The following KHDRBS2 variants were observed in gnomAD, a reference collection of about 807,000 sequenced individuals.
KHDRBS2 encodes the protein KH domain-containing, RNA-binding, signal transduction-associated protein 2.
Under a neutral mutation model 44.3 loss-of-function variants are expected in KHDRBS2, and 26 were observed. The ratio of observed to expected loss-of-function variants is 0.59; its 90% confidence interval spans 0.43 to 0.81. The LOEUF (loss-of-function observed/expected upper bound fraction) is 0.81, where lower values mean the gene tolerates loss of function less well. Ranked by LOEUF, KHDRBS2 falls within the 40% of genes least tolerant of loss-of-function variation. The pLI, the probability that KHDRBS2 is intolerant of heterozygous loss-of-function variation, is 0.00. For synonymous variants in KHDRBS2, 194 were observed against 151.1 expected (o/e 1.28, Z -2.08); for missense variants, 476 against 433.1 (o/e 1.10, Z -0.88).
the KHDRBS2 span, among the ~76,000 whole-genome samples, chr6:61,594,253 A>AT: frequency 6.6e-6 from 1 of 151,784 alleles, no homozygotes; most frequent in African/African-American, 2.4e-5. Context: ...TAAACAAAAA[A>AT]ATATAAAAAT....
the KHDRBS2 span, among the ~76,000 whole-genome samples, chr6:61,607,317 A>G: frequency 6.6e-6 from 1 of 151,622 alleles, no homozygotes. Context: ...ACATGCTAAT[A>G]CTGCACAATT....
intron 2 of KHDRBS2, among the ~76,000 whole-genome samples, chr6:62,118,022 C>T (rs1185856040): frequency 2.6e-5 from 4 of 152,110 alleles, no homozygotes; most frequent in South Asian, 4.1e-4. Flanking sequence ...GTGATCTGCC[C>T]GCCTTGGCCT....
chr6:61,624,609 CA>C, the KHDRBS2 span, among the ~76,000 whole-genome samples: 1 of 152,112 alleles, frequency 6.6e-6, no homozygotes, highest in Non-Finnish European at 1.5e-5. Context: ...AAGTATGGTA[CA>C]AAATTGGGCT....
chr6:61,916,187 TA>T (rs763250638), intron 4 of KHDRBS2, among the ~76,000 whole-genome samples: 2 of 152,040 alleles, frequency 1.3e-5, no homozygotes, highest in Non-Finnish European at 2.9e-5. Context: ...TCTGAAAAGC[TA>T]AAAGATATTT....
At chr6:61,925,783 A>G (rs1171601756) in intron 4 of KHDRBS2, among the ~76,000 whole-genome samples, 1 of 152,058 alleles carries the variant, frequency 6.6e-6, no homozygotes, top group Non-Finnish European at 1.5e-5. Context: ...ATTTTTAATA[A>G]AGATTAACAT....
At chr6:61,858,809 T>A (rs985726274) in intron 6 of KHDRBS2, among the ~76,000 whole-genome samples, 2 of 151,954 alleles carry the variant, frequency 1.3e-5, no homozygotes, top group African/African-American at 4.8e-5. Context: ...ATGTAATATA[T>A]AATAGCTAGT....
the KHDRBS2 span, among the ~76,000 whole-genome samples, chr6:61,628,091 C>T: frequency 6.6e-6 from 1 of 151,626 alleles, no homozygotes; most frequent in African/African-American, 2.4e-5. Flanking sequence ...CCAGAGCCAA[C>T]AAGCTTACCT....
rs1448682871 is a variant in KHDRBS2 at position 61,945,109 on chromosome 6, AAAAGTATATATAT to A, written c.483+32944_483+32956del. On this transcript the variant is annotated intron_variant, in intron 4 of 8. Coordinates refer to ENST00000281156, the MANE Select transcript of KHDRBS2 (RefSeq NM_152688.4). Reference sequence around the variant, plus strand: ...CTGTCTTAAAAAAAAAAAAAAAAAAAAAAGTATATATATATATATATATATATATATATATATA... The same window carrying A: ...CTGTCTTAAAAAAAAAAAAAAAAAAAATATATATATATATATATATATATA... Among the ~76,000 whole-genome samples the A allele has an allele frequency of 1.6e-3, 59 of 36,584 alleles. 4 individuals carry two copies. The highest frequency in any genetic ancestry group is 9.2e-3 in the East Asian group (9 of 976). The allele number at this position is 36,584 out of a possible 152,430, so 24.0% of individuals were successfully genotyped here.
chr6:61,577,430 C>T, the KHDRBS2 span, among the ~76,000 whole-genome samples: 2 of 152,164 alleles, frequency 1.3e-5, no homozygotes. Flanking sequence ...GTGTCAGAGA[C>T]ATTCACAATG....
the KHDRBS2 span, among the ~76,000 whole-genome samples, chr6:61,583,168 A>T: frequency 6.6e-6 from 1 of 151,820 alleles, no homozygotes; most frequent in African/African-American, 2.4e-5. Context: ...TCTGAGAAGT[A>T]TGATCTGATT....
At chr6:62,281,205 G>T (rs1342035339) in intron 1 of KHDRBS2, among the ~76,000 whole-genome samples, 1 of 152,080 alleles carries the variant, frequency 6.6e-6, no homozygotes, top group Non-Finnish European at 1.5e-5. Flanking sequence ...TTTGCTTTAT[G>T]AGTTCAAATG....
chr6:61,950,298 G>T lies in KHDRBS2; in HGVS notation c.483+27768C>A, dbSNP rs778341883. The stretch of plus-strand genomic sequence containing the variant: ...GCTGAAAATTCAATATATTACTTTG[G>T]TGTAAATGATCGTATAGTAATCACT... On this transcript the variant is annotated intron_variant, in intron 4 of 8. Transcript: ENST00000281156. 5.9e-5 allele frequency among the ~76,000 whole-genome samples: 9 copies of T among 152,140 alleles called. No individual in the cohort carries two copies. The East Asian group carries it at 1.7e-3, about 29-fold the overall frequency.
intron 7 of KHDRBS2, among the ~76,000 whole-genome samples, chr6:61,710,942 G>T (rs1770411675): frequency 6.8e-6 from 1 of 148,014 alleles, no homozygotes; most frequent in Non-Finnish European, 1.5e-5. Flanking sequence ...GGACTCAGCA[G>T]GGGCTCAGAA....
At chr6:61,588,953 A>G in the KHDRBS2 span, among the ~76,000 whole-genome samples, 1 of 152,102 alleles carries the variant, frequency 6.6e-6, no homozygotes, top group Non-Finnish European at 1.5e-5. Context: ...TCCTCAGCAA[A>G]CTAATGTAGG....
intron 1 of KHDRBS2, among the ~76,000 whole-genome samples, chr6:62,219,882 CTG>C (rs1349456902): frequency 6.8e-6 from 1 of 146,808 alleles, no homozygotes; most frequent in Non-Finnish European, 1.5e-5. Context: ...ATATATATAA[CTG>C]TATATACAAT....
chr6:62,159,364 G>C (rs1343733484), intron 2 of KHDRBS2, among the ~76,000 whole-genome samples: 1 of 152,124 alleles, frequency 6.6e-6, no homozygotes, highest in Non-Finnish European at 1.5e-5. Context: ...GTAGGATTGA[G>C]GCAACTGTCA....
chr6:61,954,262 T>C (rs777844514), intron 4 of KHDRBS2, among the ~76,000 whole-genome samples: 18 of 151,846 alleles, frequency 1.2e-4, no homozygotes, highest in Non-Finnish European at 2.2e-4. Flanking sequence ...TCTGTGTGTA[T>C]GCCTGCATAG....
At chr6:61,980,820 TAGCTA>T (rs1436296085) in intron 3 of KHDRBS2, among the ~76,000 whole-genome samples, 2 of 152,212 alleles carry the variant, frequency 1.3e-5, no homozygotes, top group East Asian at 3.9e-4. Flanking sequence ...CTTTTCTGAT[TAGCTA>T]TTGCAGAACT....
intron 2 of KHDRBS2, among the ~76,000 whole-genome samples, chr6:62,146,128 C>T (rs1221040695): frequency 2.4e-4 from 37 of 151,884 alleles, no homozygotes; most frequent in Admixed American, 2.4e-3. Flanking sequence ...ATTTCATTTA[C>T]ATACATCTCC....
Sources: allele counts gnomAD v4.1 joint callset (sites outside exome capture counted in the v4.1 genomes callset), GRCh38; gene constraint gnomAD v4.1.1; transcripts MANE v1.5; gene names NCBI Gene and HGNC (gene_info 2026-07-23, HGNC 2026-07-21).